Variants in TRPM1 observed in about 807,000 individuals in gnomAD.
TRPM1 encodes TRPM1-203 APA Isoform, Intron 10.
A neutral mutation model predicts 149.4 loss-of-function variants in TRPM1; 113 were observed. That is an observed-to-expected ratio of 0.76 (90% CI 0.65 to 0.88). TRPM1 has a LOEUF of 0.88. Ranked by LOEUF, TRPM1 falls within the 40% of genes least tolerant of loss-of-function variation. The pLI, the probability that TRPM1 is intolerant of heterozygous loss-of-function variation, is 0.00. For synonymous variants in TRPM1, 741 were observed against 759.5 expected (o/e 0.98, Z 0.40); for missense variants, 1,976 against 2,038.7 (o/e 0.97, Z 0.59).
intron 1 of TRPM1, among the ~76,000 whole-genome samples, chr15:31,155,593 TATAAC>T (rs746010447): frequency 6.6e-6 from 1 of 152,180 alleles, no homozygotes; most frequent in African/African-American, 2.4e-5. Context: ...ACAAGACTGA[TATAAC>T]AGACAAGTGA....
chr15:31,031,408 G>C, intron 22 of TRPM1: 1 of 573,050 alleles, frequency 1.7e-6, no homozygotes, highest in Non-Finnish European at 3.1e-6. Context: ...CTTCTCTGTT[G>C]TTGCCCATAA....
intron 20 of TRPM1, among the ~76,000 whole-genome samples, chr15:31,037,072 C>T (rs531769501): frequency 2.0e-5 from 3 of 152,356 alleles, no homozygotes; most frequent in South Asian, 4.1e-4. Context: ...GCCTGGCCAC[C>T]CCCACTGGGA....
chr15:31,144,281 T>C (rs1254144772), intron 1 of TRPM1, among the ~76,000 whole-genome samples: 1 of 151,992 alleles, frequency 6.6e-6, no homozygotes, highest in Non-Finnish European at 1.5e-5. Flanking sequence ...ACAAAAAAAA[T>C]ACAAAAATTA....
chr15:31,157,630 G>C (rs889809644), intron 1 of TRPM1, among the ~76,000 whole-genome samples: 1 of 152,140 alleles, frequency 6.6e-6, no homozygotes, highest in African/African-American at 2.4e-5. Context: ...AAGAGGGACT[G>C]TTTTGGCCAG....
intron 20 of TRPM1, chr15:31,036,009 C>A (rs1230170594): frequency 8.0e-6 from 3 of 374,752 alleles, no homozygotes; most frequent in East Asian, 1.3e-4. Context: ...GGAGTGTCTT[C>A]TACATTCCTG....
intron 1 of TRPM1, among the ~76,000 whole-genome samples, chr15:31,138,830 A>G (rs527630724): frequency 2.6e-4 from 40 of 152,320 alleles, no homozygotes; most frequent in African/African-American, 9.6e-4. Flanking sequence ...ATTTATATCT[A>G]TGAAGAAAAT....
At chr15:31,141,603 T>C (rs1229468630) in intron 1 of TRPM1, among the ~76,000 whole-genome samples, 1 of 152,158 alleles carries the variant, frequency 6.6e-6, no homozygotes, top group Non-Finnish European at 1.5e-5. Context: ...AAAGAGAAAG[T>C]AATTTTTTTT....
intron 27 of TRPM1, among the ~76,000 whole-genome samples, chr15:31,005,332 T>A (rs548347686): frequency 1.3e-5 from 2 of 152,288 alleles, no homozygotes; most frequent in South Asian, 4.1e-4. Flanking sequence ...TTTTATAGTT[T>A]TACCTATTTT....
intron 22 of TRPM1, among the ~76,000 whole-genome samples, chr15:31,031,575 C>T (rs2033082725): frequency 6.6e-6 from 1 of 152,146 alleles, no homozygotes; most frequent in African/African-American, 2.4e-5. Flanking sequence ...TTTATTCATT[C>T]ACTACACAAG....
At chr15:31,137,991 T>C (rs949141866) in intron 1 of TRPM1, among the ~76,000 whole-genome samples, 1 of 152,142 alleles carries the variant, frequency 6.6e-6, no homozygotes, top group African/African-American at 2.4e-5. Flanking sequence ...AACCCGCATG[T>C]GTGTGGGAAC....
At chr15:31,045,264 A>G (rs1342420977) in intron 16 of TRPM1, among the ~76,000 whole-genome samples, 1 of 152,236 alleles carries the variant, frequency 6.6e-6, no homozygotes, top group Non-Finnish European at 1.5e-5. Context: ...AATGTTTCCA[A>G]GAGTCAATCC....
chr15:31,156,419 C>T (rs535725788), intron 1 of TRPM1, among the ~76,000 whole-genome samples: 3 of 152,094 alleles, frequency 2.0e-5, no homozygotes, highest in Admixed American at 6.5e-5. Flanking sequence ...GAAACATTTG[C>T]CATCTATTGT....
intron 15 of TRPM1, 21 bp downstream of exon 15, chr15:31,047,090 T>G: frequency 3.7e-6 from 6 of 1,614,194 alleles, no homozygotes; most frequent in Admixed American, 1.7e-5. Context: ...CACAGAACAC[T>G]ACACAGGCAC....
At chr15:31,039,318 T>G (rs1314100412) in intron 18 of TRPM1, among the ~76,000 whole-genome samples, 1 of 152,214 alleles carries the variant, frequency 6.6e-6, no homozygotes, top group Non-Finnish European at 1.5e-5. Flanking sequence ...TTCTGAAAAC[T>G]GTTTATTAAT....
chr15:31,081,510 A>G, intron 1 of TRPM1, 72 bp from the exon 2 acceptor site: 1 of 985,910 alleles, frequency 1.0e-6, no homozygotes, highest in Non-Finnish European at 1.5e-6. Context: ...AGATGAACAA[A>G]TCCTGCCCTC....
intron 18 of TRPM1, among the ~76,000 whole-genome samples, chr15:31,038,856 T>C (rs2033515039): frequency 1.3e-5 from 2 of 152,096 alleles, no homozygotes; most frequent in Admixed American, 1.3e-4. Flanking sequence ...GAAATAACTT[T>C]GATATAAATG....
At chr15:31,007,031 A>G (rs1163402521) in intron 27 of TRPM1, among the ~76,000 whole-genome samples, 7 of 152,148 alleles carry the variant, frequency 4.6e-5, no homozygotes, top group African/African-American at 1.4e-4. Flanking sequence ...TTTGTCAGAT[A>G]TATGATTGAC....
intron 1 of TRPM1, among the ~76,000 whole-genome samples, chr15:31,158,767 T>C (rs1211492900): frequency 6.6e-6 from 1 of 152,092 alleles, no homozygotes; most frequent in Non-Finnish European, 1.5e-5. Flanking sequence ...GAGAGATGTG[T>C]TCTGCTACAA....
chr15:31,109,333 CAAAAAAAAA>C (rs36072024), intron 1 of TRPM1, among the ~76,000 whole-genome samples: 4 of 32,298 alleles, frequency 1.2e-4, no homozygotes, highest in African/African-American at 3.8e-4. Flanking sequence ...GACTCTGCCT[CAAAAAAAAA>C]AAAAAAAAAA....
Sources: allele counts gnomAD v4.1 joint callset (sites outside exome capture counted in the v4.1 genomes callset), GRCh38; gene constraint gnomAD v4.1.1; transcripts MANE v1.5; gene names NCBI Gene and HGNC (gene_info 2026-07-23, HGNC 2026-07-21).